The following DOCK5 variants were observed in gnomAD, a reference collection of about 807,000 sequenced individuals.
DOCK5 encodes dedicator of cytokinesis 5, also known as dedicator of cytokinesis protein 5.
Under a neutral mutation model 251.8 loss-of-function variants are expected in DOCK5, and 142 were observed. The observed-to-expected ratio is 0.56, with a 90% confidence interval of 0.49 to 0.65. The LOEUF (loss-of-function observed/expected upper bound fraction) is 0.65. Ranked by LOEUF, DOCK5 falls within the 30% of genes least tolerant of loss-of-function variation. DOCK5 has a pLI of 0.00. For missense variants in DOCK5, 2,111 were observed against 2,312.3 expected, an observed-to-expected ratio of 0.91 and a Z score of 1.79; for synonymous variants, 842 against 835.5, an observed-to-expected ratio of 1.01 and a Z score of -0.13.
chr8:25,219,812 T>G (rs781648011), intron 1 of DOCK5, among the ~76,000 whole-genome samples: 4 of 152,058 alleles, frequency 2.6e-5, no homozygotes, highest in Non-Finnish European at 5.9e-5. Context: ...TTTATTTTTG[T>G]GTTGGCATGC....
intron 1 of DOCK5, among the ~76,000 whole-genome samples, chr8:25,226,760 T>C (rs1317666543): frequency 2.0e-5 from 3 of 152,000 alleles, no homozygotes; most frequent in Non-Finnish European, 2.9e-5. Flanking sequence ...TAATTTTTTG[T>C]ATTTTTAGTA....
chr8:25,400,039 G>A (rs1563231455), intron 46 of DOCK5, 45 bp downstream of exon 46: 1 of 1,487,454 alleles, frequency 6.7e-7, no homozygotes, highest in African/African-American at 1.4e-5. Flanking sequence ...GCCACAGTGT[G>A]GGACACCCAT....
At chr8:25,410,981 GCGCACGCACGCACGCACGCA>G (rs71214572) in intron 51 of DOCK5, among the ~76,000 whole-genome samples, 193 bp from the exon 52 acceptor site, 2 of 131,100 alleles carry the variant, frequency 1.5e-5, no homozygotes, top group African/African-American at 6.0e-5. Context: ...GTGCGCGCGC[GCGCACGCACGCACGCACGCA>G]CGCGTGTGTC....
intron 1 of DOCK5, among the ~76,000 whole-genome samples, chr8:25,236,814 G>A (rs1802811235): frequency 6.6e-6 from 1 of 151,716 alleles, no homozygotes; most frequent in Non-Finnish European, 1.5e-5. Context: ...GGCCAAGCTG[G>A]TCTCGAACTC....
chr8:25,402,319 C>T (rs1267704596), intron 47 of DOCK5, among the ~76,000 whole-genome samples: 4 of 151,526 alleles, frequency 2.6e-5, no homozygotes, highest in Admixed American at 6.6e-5. Context: ...TTTTTTGAGA[C>T]AGAGTCTCGC....
chr8:25,316,290 G>T (rs1191759585), intron 13 of DOCK5, among the ~76,000 whole-genome samples: 1 of 152,108 alleles, frequency 6.6e-6, no homozygotes, highest in African/African-American at 2.4e-5. Flanking sequence ...GACCAGTCTG[G>T]GCAATGTAGT....
chr8:25,265,208 C>G (rs1323300998), intron 2 of DOCK5, among the ~76,000 whole-genome samples: 3 of 151,944 alleles, frequency 2.0e-5, no homozygotes, highest in African/African-American at 7.3e-5. Context: ...CACCCCAGAC[C>G]AGTTAAATCA....
At chr8:25,257,445 CT>C (rs1280354605) in intron 2 of DOCK5, among the ~76,000 whole-genome samples, 1 of 152,198 alleles carries the variant, frequency 6.6e-6, no homozygotes, top group Admixed American at 6.5e-5. Flanking sequence ...GTATATTGTT[CT>C]TTCCACAACA....
intron 13 of DOCK5, among the ~76,000 whole-genome samples, chr8:25,313,950 CCTCTTT>C (rs939595093): frequency 2.6e-5 from 1 of 38,448 alleles, no homozygotes; most frequent in Non-Finnish European, 7.7e-5. Context: ...CCAGAACAGC[CCTCTTT>C]CTGTCTCACC....
At chr8:25,221,466 G>A (rs1004313550) in intron 1 of DOCK5, among the ~76,000 whole-genome samples, 2 of 152,108 alleles carry the variant, frequency 1.3e-5, no homozygotes, top group Admixed American at 1.3e-4. Flanking sequence ...CCGCCACCAT[G>A]CCCGGCTGAT....
At chr8:25,306,477 C>T (rs887392765) in intron 11 of DOCK5, among the ~76,000 whole-genome samples, 2 of 152,046 alleles carry the variant, frequency 1.3e-5, no homozygotes, top group East Asian at 1.9e-4. Flanking sequence ...GAGGCCAAGG[C>T]GGGCAGATCA....
chr8:25,382,638 T>C (rs374838411), intron 39 of DOCK5, 36 bp from the exon 40 acceptor site: 30 of 1,525,094 alleles, frequency 2.0e-5, no homozygotes, highest in Admixed American at 5.7e-5. Flanking sequence ...TGTGTACTTA[T>C]AACCTCCCCT....
rs186782829 is a variant in DOCK5 at position 25,231,535 on chromosome 8, C to A, written c.44-12139C>A. Among the ~76,000 whole-genome samples, 137 of 152,082 alleles carry A rather than the reference C, an allele frequency of 9.0e-4. 2 individuals are homozygous for A. The highest frequency in any genetic ancestry group is 8.7e-3 in the South Asian group (42 of 4,818). ...TTATACATTGACCAAAAAATTAGGC[C>A]CTGAAACCTCCCTAAAAACTCACAT... On this transcript the variant is annotated intron_variant, in intron 1 of 51. Transcript: ENST00000276440.
At chr8:25,208,963 T>C (rs1458912386) in intron 1 of DOCK5, among the ~76,000 whole-genome samples, 1 of 152,196 alleles carries the variant, frequency 6.6e-6, no homozygotes, top group Non-Finnish European at 1.5e-5. Flanking sequence ...ATTCATGATG[T>C]TGAAAGAATA....
At chr8:25,248,158 T>C (rs866929930) in intron 2 of DOCK5, among the ~76,000 whole-genome samples, 2 of 152,184 alleles carry the variant, frequency 1.3e-5, no homozygotes, top group African/African-American at 4.8e-5. Flanking sequence ...TTCATTAGTG[T>C]TTATTTTCTG....
chr8:25,371,131 G>A (rs1800865659), intron 34 of DOCK5, among the ~76,000 whole-genome samples: 1 of 146,906 alleles, frequency 6.8e-6, no homozygotes, highest in African/African-American at 2.5e-5. Flanking sequence ...GTGGATGAGA[G>A]TCTGTGTTTG....
At chr8:25,277,272 A>G (rs1307035147) in intron 4 of DOCK5, 3 of 153,258 alleles carry the variant, frequency 2.0e-5, no homozygotes, top group African/African-American at 7.2e-5. Flanking sequence ...TAGTTAAATG[A>G]GAACAGTCTT....
At chr8:25,409,414 C>T (rs1454567271) in intron 50 of DOCK5, 1 of 172,024 alleles carries the variant, frequency 5.8e-6, no homozygotes, top group Non-Finnish European at 1.3e-5. Flanking sequence ...CAATTGTCAA[C>T]CAAGAGTTAG....
Position 25,364,695 on chromosome 8 carries a change from T to G in DOCK5, c.3114T>G (p.Phe1038Leu). Reference protein sequence around the residue: ...LTRFFMDQASFELQLWNNYFH... With the variant: ...LTRFFMDQASLELQLWNNYFH... ...GATTCTTCATGGATCAGGCAAGCTT[T>G]GAACTTCAGGTAGGCATGTGACTCA... The change falls in exon 30 of 52, where the codon TTT becomes TTG. Residue 1038 changes from phenylalanine to leucine, a missense_variant. Coordinates refer to ENST00000276440, the MANE Select transcript of DOCK5 (RefSeq NM_024940.8). 6.3e-7 allele frequency: 1 copy of G among 1,591,900 alleles called. No homozygotes were observed.
Sources: gnomAD v4.1 joint callset for allele counts (sites outside exome capture counted in the v4.1 genomes callset) on GRCh38, gnomAD v4.1.1 for gene constraint, MANE v1.5 for transcripts, NCBI Gene and HGNC (gene_info 2026-07-23, HGNC 2026-07-21) for gene names.